The following SLC35F1 variants were observed in gnomAD, a reference collection of about 807,000 sequenced individuals.
SLC35F1 encodes solute carrier family 35 member F1, also known as chromosome 6 open reading frame 169.
A neutral mutation model predicts 48.7 loss-of-function variants in SLC35F1; 14 were observed. That is an observed-to-expected ratio of 0.29 (90% CI 0.19 to 0.45). The LOEUF (loss-of-function observed/expected upper bound fraction) is 0.45, where lower values mean the gene tolerates loss of function less well. Among genes scored for constraint, SLC35F1 ranks in the 20% least tolerant of loss-of-function variants. The probability of loss-of-function intolerance (pLI) is 1.00; values close to 1 mark genes in which losing one functional copy is unlikely to be tolerated. For synonymous variants in SLC35F1, 190 were observed against 202.2 expected (o/e 0.94, Z 0.51); for missense variants, 404 against 500.0 (o/e 0.81, Z 1.83).
chr6:118,252,302 T>C (rs904141329), intron 3 of SLC35F1, among the ~76,000 whole-genome samples: 3 of 152,044 alleles, frequency 2.0e-5, no homozygotes, highest in Non-Finnish European at 4.4e-5. Context: ...TAACTGTCGA[T>C]GTGGATAGAG....
At chr6:117,919,642 C>T (rs564377246) in intron 1 of SLC35F1, among the ~76,000 whole-genome samples, 1 of 152,214 alleles carries the variant, frequency 6.6e-6, no homozygotes, top group Non-Finnish European at 1.5e-5. Context: ...AACTAGGACA[C>T]TAGGCTGTTT....
At chr6:118,040,041 A>ATGC (rs1179175666) in intron 1 of SLC35F1, among the ~76,000 whole-genome samples, 1 of 152,044 alleles carries the variant, frequency 6.6e-6, no homozygotes, top group African/African-American at 2.4e-5. Flanking sequence ...AGCCTTTGGT[A>ATGC]TGCTGCTTTG....
chr6:118,189,075 C>G (rs577994650), intron 2 of SLC35F1, among the ~76,000 whole-genome samples: 1 of 152,184 alleles, frequency 6.6e-6, no homozygotes, highest in South Asian at 2.1e-4. Context: ...CCATGCCTGG[C>G]TAGTTTTTAA....
intron 2 of SLC35F1, among the ~76,000 whole-genome samples, chr6:118,204,832 G>A (rs886931362): frequency 3.9e-5 from 6 of 152,136 alleles, no homozygotes; most frequent in African/African-American, 1.2e-4. Flanking sequence ...TACAGAGTTC[G>A]AAGAATCTTT....
At chr6:117,992,822 T>A (rs974385610) in intron 1 of SLC35F1, among the ~76,000 whole-genome samples, 57 of 152,236 alleles carry the variant, frequency 3.7e-4, no homozygotes, top group Non-Finnish European at 1.0e-4. Flanking sequence ...GTCATCAGTA[T>A]CTCTGAAGAG....
At chr6:118,025,457 C>T (rs1777450012) in intron 1 of SLC35F1, among the ~76,000 whole-genome samples, 1 of 152,110 alleles carries the variant, frequency 6.6e-6, no homozygotes, top group African/African-American at 2.4e-5. Flanking sequence ...TAGTATTTGT[C>T]AGATTTTACC....
intron 6 of SLC35F1, among the ~76,000 whole-genome samples, chr6:118,279,928 G>A (rs1474829294): frequency 2.0e-5 from 3 of 152,116 alleles, no homozygotes; most frequent in Admixed American, 6.5e-5. Context: ...TTATCAAAGT[G>A]GAAAGATGGT....
chr6:118,064,597 G>C (rs1404162129), intron 1 of SLC35F1, among the ~76,000 whole-genome samples: 1 of 152,132 alleles, frequency 6.6e-6, no homozygotes, highest in Non-Finnish European at 1.5e-5. Flanking sequence ...TGGGTTCATA[G>C]TGACTGTTTC....
intron 1 of SLC35F1, among the ~76,000 whole-genome samples, chr6:117,918,978 C>T (rs1775862600): frequency 6.6e-6 from 1 of 152,158 alleles, no homozygotes; most frequent in African/African-American, 2.4e-5. Flanking sequence ...TCACTGCAGC[C>T]TGAAACTCCT....
At chr6:117,933,401 C>G (rs556949700) in intron 1 of SLC35F1, among the ~76,000 whole-genome samples, 2 of 152,112 alleles carry the variant, frequency 1.3e-5, no homozygotes, top group African/African-American at 4.8e-5. Context: ...TTCTTTTAAG[C>G]ATTTTTATAA....
At chr6:117,910,785 T>C (rs1465841599) in intron 1 of SLC35F1, among the ~76,000 whole-genome samples, 2 of 152,324 alleles carry the variant, frequency 1.3e-5, no homozygotes, top group East Asian at 3.9e-4. Context: ...AAGCCAAGCC[T>C]GGCGAATTGC....
rs570521247 is a variant in SLC35F1 at position 117,978,159 on chromosome 6, C to G, written c.173+70260C>G. Among the ~76,000 whole-genome samples, 212 of 152,242 alleles carry G rather than the reference C, an allele frequency of 1.4e-3. 1 individual carries two copies. The highest frequency in any genetic ancestry group is 4.9e-3 in the African/African-American group (205 of 41,534). On this transcript the variant is annotated intron_variant, in intron 1 of 7. Transcript: ENST00000360388. ...CTCTGCTATTGGACCTATCTTCTCC[C>G]TCCAAAGCAGTAAAGTGGTGCCTGA...
At chr6:117,951,020 C>T (rs540128354) in intron 1 of SLC35F1, among the ~76,000 whole-genome samples, 5 of 152,228 alleles carry the variant, frequency 3.3e-5, no homozygotes, top group African/African-American at 7.2e-5. Context: ...GAATGAATTA[C>T]TTTACTATTC....
Position 118,154,598 on chromosome 6 carries a change from C to T in SLC35F1, c.327C>T (p.Thr109=), listed in dbSNP as rs747028312. 2.5e-6 allele frequency: 4 copies of T among 1,612,572 alleles called. No individual in the cohort carries two copies. The highest frequency in any genetic ancestry group is 2.5e-6 in the Non-Finnish European group (3 of 1,179,296). ...ACATTCTTCTCTTCTTGGTCTATAC[C>T]ACCACACTAGCCGTCAGACAAGGTA... ...LNYILLFLVY[T]TTLAVRQGEE... The change falls in exon 2 of 8, where the codon ACC becomes ACT. Residue 109 remains threonine, a synonymous_variant. Transcript: ENST00000360388.
intron 1 of SLC35F1, among the ~76,000 whole-genome samples, chr6:118,047,074 A>G (rs972923217): frequency 2.6e-5 from 4 of 152,174 alleles, no homozygotes; most frequent in Non-Finnish European, 5.9e-5. Flanking sequence ...AGATTCCAAT[A>G]ATTATCACAC....
At chr6:118,020,215 C>G (rs1436211394) in intron 1 of SLC35F1, among the ~76,000 whole-genome samples, 1 of 152,150 alleles carries the variant, frequency 6.6e-6, no homozygotes, top group Non-Finnish European at 1.5e-5. Context: ...TCTGAAGATT[C>G]AATGAAAACA....
chr6:117,982,543 G>T (rs148788440), intron 1 of SLC35F1, among the ~76,000 whole-genome samples: 55 of 152,362 alleles, frequency 3.6e-4, no homozygotes, highest in African/African-American at 1.3e-3. Context: ...AACATTAGCA[G>T]TGGTGAATAA....
At chr6:118,139,306 G>A (rs1318597637) in intron 1 of SLC35F1, among the ~76,000 whole-genome samples, 1 of 152,054 alleles carries the variant, frequency 6.6e-6, no homozygotes, top group African/African-American at 2.4e-5. Flanking sequence ...TAGAGATGGG[G>A]TTTCACCGTG....
At chr6:118,253,932 G>A (rs1430555427) in intron 3 of SLC35F1, among the ~76,000 whole-genome samples, 1 of 151,850 alleles carries the variant, frequency 6.6e-6, no homozygotes, top group Non-Finnish European at 1.5e-5. Context: ...AGTGGGCATC[G>A]AGAATAAGAC....
Sources: allele counts gnomAD v4.1 joint callset (sites outside exome capture counted in the v4.1 genomes callset), GRCh38; gene constraint gnomAD v4.1.1; transcripts MANE v1.5; gene names NCBI Gene and HGNC (gene_info 2026-07-23, HGNC 2026-07-21).